TRMT9B: variants seen among roughly 807,000 people sequenced by gnomAD.
TRMT9B encodes tRNA methyltransferase 9B (putative), also known as probable tRNA methyltransferase 9B.
In TRMT9B, 16 loss-of-function variants were observed where a neutral mutation model predicts 11.5. The ratio of observed to expected loss-of-function variants is 1.39; its 90% CI spans 0.94 to 2.11. TRMT9B has a LOEUF of 2.11. TRMT9B is among the 30% of genes most tolerant of loss of function. The pLI is 0.00. For synonymous variants in TRMT9B, 274 were observed against 192.4 expected (o/e 1.42, Z -3.51); for missense variants, 941 against 553.8 (o/e 1.70, Z -7.02).
chr8:12,987,064 C>G (rs1806440804), intron 1 of TRMT9B, among the ~76,000 whole-genome samples: 1 of 152,184 alleles, frequency 6.6e-6, no homozygotes, highest in Non-Finnish European at 1.5e-5. Context: ...CTCTTCCAGC[C>G]TCTTATTTCG....
chr8:13,018,461 G>T (rs1426526942), intron 4 of TRMT9B, among the ~76,000 whole-genome samples: 1 of 151,092 alleles, frequency 6.6e-6, no homozygotes, highest in Non-Finnish European at 1.5e-5. Context: ...TCTGAATGTT[G>T]ATGTATGAGT....
In TRMT9B at chr8:13,006,208, T is replaced by C. The variant is rs752544636; in HGVS notation, c.6T>C (p.Asp2=). 8.1e-6 allele frequency: 13 copies of C among 1,613,756 alleles called. No homozygotes were observed. Among genetic ancestry groups the C allele is most frequent in the Non-Finnish European group, 1.0e-5 (12 of 1,179,856 alleles). Residue 2 remains aspartate (D), a synonymous_variant, in exon 3 of 5, where the codon GAT becomes GAC. Coordinates refer to ENST00000524591, the MANE Select transcript of TRMT9B (RefSeq NM_020844.3). The part of the protein sequence containing the change: M[D]HEAAQLEKQH... ...TTGGTCCTGTTTTCTCCAGGATGGA[T>C]CATGAAGCCGCCCAGCTGGAGAAGC...
chr8:12,960,159 A>G (rs1422727224), intron 1 of TRMT9B: 3 of 152,216 alleles, frequency 2.0e-5, no homozygotes, highest in South Asian at 2.1e-4. Flanking sequence ...TGCATTTACT[A>G]TATGGGAATT....
intron 1 of TRMT9B, among the ~76,000 whole-genome samples, chr8:12,955,172 A>C (rs535456603): frequency 1.3e-5 from 2 of 152,156 alleles, no homozygotes; most frequent in South Asian, 2.1e-4. Flanking sequence ...CTGCTAGTAT[A>C]CTCCTATAGC....
At chr8:12,977,648 C>G (rs1804672393) in intron 1 of TRMT9B, among the ~76,000 whole-genome samples, 1 of 152,072 alleles carries the variant, frequency 6.6e-6, no homozygotes, top group African/African-American at 2.4e-5. Context: ...TTGCAGTGAG[C>G]TGAGATCACG....
chr8:12,964,506 G>T (rs1385484956), intron 1 of TRMT9B, among the ~76,000 whole-genome samples: 2 of 152,170 alleles, frequency 1.3e-5, no homozygotes, highest in African/African-American at 4.8e-5. Flanking sequence ...GTTTATGATA[G>T]AACTCCTTGA....
chr8:12,968,054 C>G (rs1226102197), intron 1 of TRMT9B, among the ~76,000 whole-genome samples: 2 of 152,128 alleles, frequency 1.3e-5, no homozygotes, highest in African/African-American at 4.8e-5. Flanking sequence ...CCAGCTAATT[C>G]TTGCATTTTT....
chr8:13,008,807 C>T (rs759828796), intron 3 of TRMT9B, among the ~76,000 whole-genome samples: 3 of 152,198 alleles, frequency 2.0e-5, no homozygotes, highest in African/African-American at 4.8e-5. Flanking sequence ...CGGCTCACTG[C>T]AAGCTCCGCC....
chr8:12,950,066 C>G (rs771263306), intron 1 of TRMT9B, among the ~76,000 whole-genome samples: 14 of 152,094 alleles, frequency 9.2e-5, no homozygotes, highest in Non-Finnish European at 1.9e-4. Flanking sequence ...GTTGCCCAAG[C>G]TGGTCTCAAA....
At chr8:12,973,831 G>C (rs930164422) in intron 1 of TRMT9B, among the ~76,000 whole-genome samples, 1 of 152,110 alleles carries the variant, frequency 6.6e-6, no homozygotes, top group Non-Finnish European at 1.5e-5. Flanking sequence ...CGTGCCCAGA[G>C]ATCACTGAAC....
At chr8:12,946,314 G>C (rs946988345) in intron 1 of TRMT9B, among the ~76,000 whole-genome samples, 14 of 152,146 alleles carry the variant, frequency 9.2e-5, no homozygotes, top group African/African-American at 3.4e-4. Flanking sequence ...TAATCATCTA[G>C]GTGGGAAGTA....
intron 1 of TRMT9B, among the ~76,000 whole-genome samples, chr8:12,968,815 A>G (rs1403672525): frequency 2.0e-5 from 3 of 152,074 alleles, no homozygotes; most frequent in Non-Finnish European, 4.4e-5. Context: ...CATGCTGTTC[A>G]TTATCTACAC....
At chr8:13,008,299 C>T (rs986636222) in intron 3 of TRMT9B, among the ~76,000 whole-genome samples, 3 of 152,186 alleles carry the variant, frequency 2.0e-5, no homozygotes. Context: ...GACGGCATTT[C>T]AGCCCCAGGC....
At chr8:12,965,190 C>G (rs989793946) in intron 1 of TRMT9B, among the ~76,000 whole-genome samples, 1 of 152,164 alleles carries the variant, frequency 6.6e-6, no homozygotes, top group Non-Finnish European at 1.5e-5. Flanking sequence ...TACTCAGAAC[C>G]AAAAGCCTCT....
intron 2 of TRMT9B, among the ~76,000 whole-genome samples, chr8:13,002,041 G>T (rs899876536): frequency 2.0e-5 from 3 of 152,304 alleles, no homozygotes; most frequent in Non-Finnish European, 2.9e-5. Flanking sequence ...TAAATCTGCA[G>T]TGTTTATAAA....
chr8:12,988,135 C>T (rs185719456), intron 1 of TRMT9B, among the ~76,000 whole-genome samples: 15 of 152,170 alleles, frequency 9.9e-5, no homozygotes, highest in Non-Finnish European at 1.0e-4. Flanking sequence ...CCTGGAATCA[C>T]CCACTTCTCC....
chr8:13,021,590 G>T lies in TRMT9B; in HGVS notation c.911G>T (p.Gly304Val), dbSNP rs502882. 1.2e-5 allele frequency: 20 copies of T among 1,613,572 alleles called. No individual in the cohort carries two copies. The South Asian group carries it at 2.2e-4, about 18-fold the overall frequency. ...FDHQEPFSTKGQSLDEEVFVE... is the reference protein window; with the variant it reads ...FDHQEPFSTKVQSLDEEVFVE... ...CACCAAGAGCCATTTTCAACAAAAG[G>T]GCAAAGTTTAGATGAGGAAGTGTTT... The change falls in exon 5 of 5, where the codon GGG becomes GTG. Residue 304 changes from glycine to valine, a missense_variant. Gly to Val is a moderately radical substitution (Grantham distance 109, BLOSUM62 -3). Coordinates refer to ENST00000524591, the MANE Select transcript of TRMT9B (RefSeq NM_020844.3).
intron 3 of TRMT9B, chr8:13,010,642 T>C (rs567426577): frequency 3.4e-5 from 33 of 985,040 alleles, no homozygotes; most frequent in Middle Eastern, 1.0e-3. Context: ...CAAAATGCTC[T>C]CTGAACAGGC....
rs1323508395 is a variant in TRMT9B, at chr8:13,026,217, A to T, written c.*4173A>T. On this transcript the variant is annotated 3_prime_UTR_variant, in exon 5 of 5. Transcript: ENST00000524591. ...AGCATCTCTTTCCTATTACATAGAAAATCTGAAATGAGAATAGCTGTGAAC... is the reference window on the plus strand; with the variant it reads ...AGCATCTCTTTCCTATTACATAGAATATCTGAAATGAGAATAGCTGTGAAC... 1.2e-5 allele frequency: 2 copies of T among 167,128 alleles called. No homozygotes were observed. The highest frequency in any genetic ancestry group is 4.8e-5 in the African/African-American group (2 of 41,458). 10.4% of individuals were successfully genotyped at this position (167,128 alleles called of 1,614,324 possible).
Sources: gnomAD v4.1 joint callset for allele counts (sites outside exome capture counted in the v4.1 genomes callset) on GRCh38, gnomAD v4.1.1 for gene constraint, MANE v1.5 for transcripts, NCBI Gene and HGNC (gene_info 2026-07-23, HGNC 2026-07-21) for gene names.